DZIP1: variants seen among roughly 807,000 people sequenced by gnomAD.
DZIP1 encodes DAZ interacting zinc finger protein 1.
Under a neutral mutation model 107.6 loss-of-function variants are expected in DZIP1, and 97 were observed. The observed-to-expected ratio is 0.90, with a 90% CI of 0.77 to 1.07. The LOEUF is 1.07. Among genes scored for constraint, DZIP1 ranks in the 50% least tolerant of loss-of-function variants. The pLI, the probability that DZIP1 is intolerant of heterozygous loss-of-function variation, is 0.00. For missense variants in DZIP1, 1,035 were observed against 1,063.6 expected (o/e 0.97, Z 0.37); for synonymous variants, 390 against 386.4 (o/e 1.01, Z -0.11).
rs553744428 is a variant in DZIP1 at position 95,636,398 on chromosome 13, C to A, written c.598-3077G>T. 5.3e-5 allele frequency among the ~76,000 whole-genome samples: 8 copies of A among 151,834 alleles called. No homozygotes were observed. The South Asian group carries it at 1.5e-3, about 28-fold the overall frequency. On this transcript the variant is annotated intron_variant, in intron 5 of 22. Transcript: ENST00000376829. Reference sequence around the variant, plus strand: ...TCTCTACTAAAAATACAAAAATTAGCCAGATGTGGTAGCACATGCCTGTGA... The same window carrying A: ...TCTCTACTAAAAATACAAAAATTAGACAGATGTGGTAGCACATGCCTGTGA...
intron 9 of DZIP1, among the ~76,000 whole-genome samples, chr13:95,621,910 G>C (rs903678175): frequency 1.3e-5 from 2 of 151,766 alleles, no homozygotes; most frequent in African/African-American, 2.4e-5. Context: ...CGGATCACCT[G>C]AGGTCAGGAG....
At chr13:95,624,521 T>A (rs1876302496) in intron 8 of DZIP1, among the ~76,000 whole-genome samples, 1 of 152,208 alleles carries the variant, frequency 6.6e-6, no homozygotes, top group African/African-American at 2.4e-5. Context: ...GGGACCATCA[T>A]AGAAGAGGGT....
chr13:95,587,445 C>A, intron 20 of DZIP1, 94 bp downstream of exon 20: 1 of 1,509,108 alleles, frequency 6.6e-7, no homozygotes, highest in Non-Finnish European at 9.0e-7. Context: ...CCTTGCACAC[C>A]CTCCCAGCTC....
At chr13:95,634,638 AC>A (rs1465402554) in intron 5 of DZIP1, among the ~76,000 whole-genome samples, 8 of 152,052 alleles carry the variant, frequency 5.3e-5, no homozygotes, top group African/African-American at 1.5e-4. Context: ...CTATATACTC[AC>A]CCCTGGATTA....
At chr13:95,627,971 A>G (rs1373568560) in intron 7 of DZIP1, among the ~76,000 whole-genome samples, 1 of 152,218 alleles carries the variant, frequency 6.6e-6, no homozygotes, top group Non-Finnish European at 1.5e-5. Flanking sequence ...CAAAGTACTG[A>G]TACATGTTAC....
rs141016075 is a variant in DZIP1 at position 95,587,471 on chromosome 13, G to A, written c.2218+68C>T. Reference sequence around the variant, plus strand: ...CTCCCAGCTCAGACTCCCAGTGCTCGGTACACACGGGTGAGGACAACTGTC... The same window carrying A: ...CTCCCAGCTCAGACTCCCAGTGCTCAGTACACACGGGTGAGGACAACTGTC... On this transcript the variant is annotated intron_variant, in intron 20 of 22. Transcript: ENST00000376829. The A allele has an allele frequency of 2.6e-6, 4 of 1,557,888 alleles. No homozygotes were observed. The East Asian group carries it at 9.0e-5, about 35-fold the overall frequency.
At position 95,580,789 on chromosome 13, in the gene DZIP1, A is replaced by C. The variant is rs1394257361; in HGVS notation, c.*1445T>G. 6.6e-6 allele frequency: 1 copy of C among 152,144 alleles called. No homozygotes were observed. The highest frequency in any genetic ancestry group is 1.5e-5 in the Non-Finnish European group (1 of 68,024). The allele number at this position is 152,144 out of a possible 1,614,324, so 9.4% of individuals were successfully genotyped here. A position where few individuals can be genotyped will look rare whatever the true frequency, so the allele number is the denominator to read the frequency against. On this transcript the variant is annotated 3_prime_UTR_variant, in exon 23 of 23. Transcript: ENST00000376829. ...GCCGTTCTCTGTCCTACCACATGAA[A>C]CTTGGATTCGGCCTTCTGTTCTCTG...
intron 10 of DZIP1, 121 bp from the exon 11 acceptor site, chr13:95,612,298 A>C (rs2045038446): frequency 9.0e-7 from 1 of 1,113,380 alleles, no homozygotes; most frequent in Non-Finnish European, 1.3e-6. Context: ...GTGCGCATCA[A>C]GTCGTTGAAT....
chr13:95,579,790 A>C lies in DZIP1; in HGVS notation c.*2444T>G, dbSNP rs868325184. The stretch of plus-strand genomic sequence containing the variant: ...CTTGAAATATCTTTTGCAGAAATAC[A>C]AATCAACTGAAAGACATGAAGGTAG... On this transcript the variant is annotated 3_prime_UTR_variant, in exon 23 of 23. Transcript: ENST00000376829. 6 of 152,244 alleles carry C rather than the reference A, an allele frequency of 3.9e-5. No homozygotes were observed. Among genetic ancestry groups the C allele is most frequent in the African/African-American group, 4.8e-5 (2 of 41,474 alleles). 9.4% of individuals were successfully genotyped at this position (152,244 alleles called of 1,614,324 possible).
Position 95,641,704 on chromosome 13 carries a change from C to A in DZIP1, c.188G>T (p.Arg63Leu). The change falls in exon 5 of 23, where the codon CGG becomes CTG. Residue 63 changes from arginine to leucine, a missense_variant. Arg to Leu is a moderately radical substitution (Grantham distance 102). Coordinates refer to ENST00000376829, the MANE Select transcript of DZIP1 (RefSeq NM_198968.4). The surrounding 1 kb of genome is among the most constrained non-coding windows in gnomAD (Gnocchi z 4.3). ...CCGCCGCCAGTCCACACTCTCCAGC[C>A]GCGGCCTGAACTGGAAGAAGGGCAG... is the stretch of plus-strand genomic sequence containing the variant. ...GPLPFFQFRP[R>L]LESVDWRRLS... The A allele has an allele frequency of 1.2e-6, 2 of 1,602,572 alleles. No homozygotes were observed. Among genetic ancestry groups the A allele is most frequent in the East Asian group, 2.2e-5 (1 of 44,872 alleles).
At chr13:95,643,941 G>T (rs1594753664) in intron 1 of DZIP1, among the ~76,000 whole-genome samples, 1 of 152,188 alleles carries the variant, frequency 6.6e-6, no homozygotes, top group East Asian at 1.9e-4. Context: ...GAGGCCTGCG[G>T]GCCCGAGGTA....
chr13:95,637,990 C>T (rs903419542), intron 5 of DZIP1, among the ~76,000 whole-genome samples: 4 of 151,068 alleles, frequency 2.6e-5, no homozygotes, highest in Middle Eastern at 3.2e-3. Context: ...CTCTGAGAAT[C>T]GAGGAAGGGA....
chr13:95,599,494 T>C, intron 14 of DZIP1, 70 bp from the exon 15 acceptor site: 1 of 1,310,146 alleles, frequency 7.6e-7, no homozygotes, highest in Non-Finnish European at 1.1e-6. Context: ...TCCTTTCAAA[T>C]GATTTTGAAA....
intron 5 of DZIP1, chr13:95,637,180 T>C (rs1038023249): frequency 2.6e-5 from 4 of 152,188 alleles, no homozygotes; most frequent in African/African-American, 9.7e-5. Context: ...GACAATCCTA[T>C]GAATTAAGAG....
At chr13:95,619,812 T>C (rs1351177281) in intron 10 of DZIP1, 73 bp downstream of exon 10, 3 of 1,449,158 alleles carry the variant, frequency 2.1e-6, no homozygotes, top group African/African-American at 2.8e-5. Flanking sequence ...ACAAATATTA[T>C]GTTTATTAAA....
chr13:95,615,075 C>T (rs921847838), intron 10 of DZIP1, among the ~76,000 whole-genome samples: 6 of 152,108 alleles, frequency 3.9e-5, no homozygotes, highest in Non-Finnish European at 8.8e-5. Flanking sequence ...AACCAACAGA[C>T]GAGGAAGGAG....
chr13:95,641,187 T>C lies in DZIP1; in HGVS notation c.597+108A>G. On this transcript the variant is annotated intron_variant, in intron 5 of 22. Coordinates refer to ENST00000376829, the MANE Select transcript of DZIP1 (RefSeq NM_198968.4). This position sits in a 1 kb window ranked among gnomAD's most constrained non-coding sequence, Gnocchi z 4.3. ...CTTAAATATACTGTGTCTTCTGATA[T>C]ACAATATAAATCTTTAAGAAGAAAG... 1.4e-6 allele frequency: 2 copies of C among 1,445,248 alleles called. No individual in the cohort carries two copies. Among genetic ancestry groups the C allele is most frequent in the Non-Finnish European group, 1.9e-6 (2 of 1,079,164 alleles). The allele number at this position is 1,445,248 out of a possible 1,614,324, so 89.5% of individuals were successfully genotyped here.
intron 8 of DZIP1, among the ~76,000 whole-genome samples, chr13:95,623,757 A>G (rs913383891): frequency 2.0e-5 from 3 of 152,192 alleles, no homozygotes; most frequent in African/African-American, 7.2e-5. Context: ...CCTGGCCAAC[A>G]TGGTGAAACC....
Position 95,633,329 on chromosome 13 carries a change from G to T in DZIP1, c.598-8C>A, listed in dbSNP as rs1877422858. On this transcript the variant is annotated splice_polypyrimidine_tract_variant and splice_region_variant and intron_variant, in intron 5 of 22. Transcript: ENST00000376829. ...CTTGTCACAAAAATGGCACTGAAAA[G>T]GAGAGAGCAACAAATCCAAGTGTCT... 6.2e-7 allele frequency: 1 copy of T among 1,611,832 alleles called. No individual in the cohort carries two copies. The highest frequency in any genetic ancestry group is 8.5e-7 in the Non-Finnish European group (1 of 1,177,970).
Sources: allele counts gnomAD v4.1 joint callset (sites outside exome capture counted in the v4.1 genomes callset), GRCh38; gene constraint gnomAD v4.1.1; non-coding constraint Gnocchi (gnomAD v3.1); transcripts MANE v1.5; gene names NCBI Gene and HGNC (gene_info 2026-07-23, HGNC 2026-07-21).